The following HTR7 variants were observed in gnomAD, a reference collection of about 807,000 sequenced individuals.
The protein encoded by HTR7 is 5-HT-7.
Under a neutral mutation model 34.0 loss-of-function variants are expected in HTR7, and 16 were observed. The ratio of observed to expected loss-of-function variants is 0.47; its 90% CI spans 0.32 to 0.71. The LOEUF is 0.71. Among genes scored for constraint, HTR7 ranks in the 30% least tolerant of loss-of-function variants. The pLI is 0.04. For missense variants in HTR7, 504 were observed against 625.5 expected, an observed-to-expected ratio of 0.81 and a Z score of 2.07; for synonymous variants, 265 against 260.2, an observed-to-expected ratio of 1.02 and a Z score of -0.18.
At chr10:90,770,296 G>A (rs781456271) in intron 1 of HTR7, among the ~76,000 whole-genome samples, 2 of 152,204 alleles carry the variant, frequency 1.3e-5, no homozygotes, top group African/African-American at 2.4e-5. Flanking sequence ...GGGCTGAGCC[G>A]AGCTACCTGC....
At chr10:90,782,312 T>G (rs563685710) in intron 1 of HTR7, among the ~76,000 whole-genome samples, 1 of 152,340 alleles carries the variant, frequency 6.6e-6, no homozygotes, top group African/African-American at 2.4e-5. Context: ...CCGCTAAGGC[T>G]TAATTATCGC....
chr10:90,772,596 C>T (rs1429946123), intron 1 of HTR7, among the ~76,000 whole-genome samples: 3 of 152,048 alleles, frequency 2.0e-5, no homozygotes, highest in Non-Finnish European at 1.5e-5. Flanking sequence ...ATAAACTTAC[C>T]GTCCATTTCT....
At chr10:90,797,753 G>A (rs1459447098) in intron 1 of HTR7, among the ~76,000 whole-genome samples, 1 of 152,238 alleles carries the variant, frequency 6.6e-6, no homozygotes, top group Non-Finnish European at 1.5e-5. Flanking sequence ...TTAATTCAAT[G>A]AGGTCACATG....
chr10:90,776,155 A>T (rs1442972215), intron 1 of HTR7, among the ~76,000 whole-genome samples: 1 of 152,156 alleles, frequency 6.6e-6, no homozygotes, highest in Non-Finnish European at 1.5e-5. Flanking sequence ...ACCATATAGG[A>T]TATGGCAGGT....
At chr10:90,772,425 TTCTCTTCTA>T (rs2119821099) in intron 1 of HTR7, among the ~76,000 whole-genome samples, 1 of 152,318 alleles carries the variant, frequency 6.6e-6, no homozygotes, top group African/African-American at 2.4e-5. Context: ...GAGATTTTTC[TTCTCTTCTA>T]CCTCTCCCAT....
At chr10:90,795,860 C>T (rs1376686829) in intron 1 of HTR7, among the ~76,000 whole-genome samples, 1 of 152,094 alleles carries the variant, frequency 6.6e-6, no homozygotes, top group Non-Finnish European at 1.5e-5. Context: ...AGGGGTGTTT[C>T]CACGTCATAG....
chr10:90,829,746 AAACT>A (rs1451579184), intron 1 of HTR7, among the ~76,000 whole-genome samples: 9 of 152,224 alleles, frequency 5.9e-5, no homozygotes, highest in Non-Finnish European at 1.2e-4. Flanking sequence ...GCAAAACAAA[AAACT>A]ATCTGAACTG....
At chr10:90,793,260 T>C (rs1353888292) in intron 1 of HTR7, among the ~76,000 whole-genome samples, 2 of 151,942 alleles carry the variant, frequency 1.3e-5, no homozygotes, top group Non-Finnish European at 2.9e-5. Flanking sequence ...TACATAGACA[T>C]TTCTGAAAAG....
chr10:90,827,604 T>C (rs1183813105), intron 1 of HTR7, among the ~76,000 whole-genome samples: 1 of 152,000 alleles, frequency 6.6e-6, no homozygotes, highest in Admixed American at 6.6e-5. Context: ...CAAAATAGAA[T>C]TCAAGACAAA....
intron 1 of HTR7, among the ~76,000 whole-genome samples, chr10:90,789,454 A>G (rs1257957570): frequency 6.6e-6 from 1 of 152,194 alleles, no homozygotes. Flanking sequence ...TATGCCACAC[A>G]CACATCAGTG....
At chr10:90,793,354 T>C (rs921659251) in intron 1 of HTR7, among the ~76,000 whole-genome samples, 1 of 151,352 alleles carries the variant, frequency 6.6e-6, no homozygotes, top group Non-Finnish European at 1.5e-5. Flanking sequence ...AACTTGAAAA[T>C]CAACTAAAGG....
At chr10:90,812,824 G>A (rs1233862437) in intron 1 of HTR7, among the ~76,000 whole-genome samples, 1 of 152,106 alleles carries the variant, frequency 6.6e-6, no homozygotes, top group East Asian at 1.9e-4. Context: ...AGGCCTCTGA[G>A]CCCAAGCCAA....
In HTR7 at chr10:90,749,546, C is replaced by A. The variant is rs779787523; in HGVS notation, c.588G>T (p.Gly196=). The A allele has an allele frequency of 6.2e-7, 1 of 1,613,970 alleles. No individual in the cohort carries two copies. The highest frequency in any genetic ancestry group is 8.5e-7 in the Non-Finnish European group (1 of 1,179,934). Reference sequence around the variant, plus strand: ...AGAGAATCATCTTCGCCATGCATTTCCCATTCTGCCTCACAGGGTATGTGA... The same window carrying A: ...AGAGAATCATCTTCGCCATGCATTTACCATTCTGCCTCACAGGGTATGTGA... ...RPLTYPVRQN[G]KCMAKMILSV... The change falls in exon 2 of 4, where the codon GGG becomes GGT. Residue 196 remains glycine, a synonymous_variant. Coordinates refer to ENST00000336152, the MANE Select transcript of HTR7 (RefSeq NM_019859.4). The surrounding 1 kb of genome is among the most constrained non-coding windows in gnomAD (Gnocchi z 4.2).
intron 1 of HTR7, among the ~76,000 whole-genome samples, chr10:90,835,277 A>C (rs577532887): frequency 6.6e-6 from 1 of 152,288 alleles, no homozygotes; most frequent in South Asian, 2.1e-4. Context: ...TGCAGGTAAA[A>C]TCCCATTGTA....
rs757914037 is a variant in HTR7 at position 90,857,478 on chromosome 10, T to A, written c.194A>T (p.Asp65Val). The A allele has an allele frequency of 2.1e-5, 34 of 1,613,598 alleles. No individual in the cohort carries two copies. In the South Asian group the frequency reaches 3.7e-4, roughly 18 times the overall value. The part of the protein sequence containing the change: ...SPAPTWDAPP[D>V]NASGCGEQIN... ...CTGTTCCCCACAGCCGGAGGCATTG[T>A]CCGGGGGCGCGTCCCAGGTGGGCGC... The change falls in exon 1 of 4, where the codon GAC (aspartate) becomes GTC (valine). Residue 65 changes from aspartate to valine, a missense_variant. By Grantham distance (152) the Asp-to-Val change is radical. Transcript: ENST00000336152. This position sits in a 1 kb window ranked among gnomAD's most constrained non-coding sequence, Gnocchi z 6.5.
chr10:90,769,034 C>T (rs1845067223), intron 1 of HTR7, among the ~76,000 whole-genome samples: 2 of 152,184 alleles, frequency 1.3e-5, no homozygotes, highest in Non-Finnish European at 2.9e-5. Context: ...GCCCACAGCA[C>T]TACGTTCCAA....
intron 1 of HTR7, among the ~76,000 whole-genome samples, chr10:90,758,191 A>G (rs550905329): frequency 6.6e-6 from 1 of 152,002 alleles, no homozygotes; most frequent in East Asian, 1.9e-4. Context: ...CTAAAAATAC[A>G]AAAATTAGCT....
At chr10:90,844,725 TCAAAAAAAAAAAAAAAAAAAAA>T (rs1241960062) in intron 1 of HTR7, among the ~76,000 whole-genome samples, 8 of 27,796 alleles carry the variant, frequency 2.9e-4, no homozygotes, top group African/African-American at 4.1e-4. Context: ...AGACTCCGTC[TCAAAAAAAAAAAAAAAAAAAAA>T]AAAAAAAAAA....
At chr10:90,829,748 A>T (rs1846135656) in intron 1 of HTR7, among the ~76,000 whole-genome samples, 1 of 152,202 alleles carries the variant, frequency 6.6e-6, no homozygotes, top group South Asian at 2.1e-4. Flanking sequence ...AAAACAAAAA[A>T]CTATCTGAAC....
Sources: allele counts gnomAD v4.1 joint callset (sites outside exome capture counted in the v4.1 genomes callset), GRCh38; gene constraint gnomAD v4.1.1; non-coding constraint Gnocchi (gnomAD v3.1); transcripts MANE v1.5; gene names NCBI Gene and HGNC (gene_info 2026-07-23, HGNC 2026-07-21).